The following NREP variants were observed in gnomAD, a reference collection of about 807,000 sequenced individuals.
NREP encodes neuronal regeneration related protein.
In NREP, 5 loss-of-function variants were observed where a neutral mutation model predicts 8.6. The observed-to-expected ratio is 0.58, with a 90% CI of 0.30 to 1.22. The LOEUF is 1.22. Ranked by LOEUF, NREP falls within the 50% of genes most tolerant of loss-of-function variation. The pLI, the probability that NREP is intolerant of heterozygous loss-of-function variation, is 0.07. For synonymous variants in NREP, 27 were observed against 28.0 expected (o/e 0.96, Z 0.11); for missense variants, 86 against 82.5 (o/e 1.04, Z -0.17).
intron 2 of NREP, among the ~76,000 whole-genome samples, chr5:111,747,729 CTTATG>C (rs968475955): frequency 1.4e-4 from 21 of 152,188 alleles, no homozygotes; most frequent in African/African-American, 4.6e-4. Flanking sequence ...GCCACGTTCT[CTTATG>C]TTATTTACTC....
At chr5:111,949,844 G>A (rs1347948975) in intron 2 of NREP, among the ~76,000 whole-genome samples, 1 of 152,108 alleles carries the variant, frequency 6.6e-6, no homozygotes, top group African/African-American at 2.4e-5. Context: ...GGGCATTTGG[G>A]TTGGTTCCCA....
intron 2 of NREP, among the ~76,000 whole-genome samples, chr5:111,763,770 G>A (rs1751019215): frequency 6.6e-6 from 1 of 152,228 alleles, no homozygotes; most frequent in South Asian, 2.1e-4. Flanking sequence ...GTGTGTGTGT[G>A]TGTGTTTGTG....
intron 2 of NREP, among the ~76,000 whole-genome samples, chr5:111,968,691 C>G (rs1756715372): frequency 6.6e-6 from 1 of 152,204 alleles, no homozygotes; most frequent in South Asian, 2.1e-4. Context: ...CTTAATGTGT[C>G]ATGTGTGATG....
chr5:111,897,360 C>T (rs1201119502), intron 2 of NREP, among the ~76,000 whole-genome samples: 2 of 152,204 alleles, frequency 1.3e-5, no homozygotes, highest in African/African-American at 2.4e-5. Context: ...CCAGTGCATT[C>T]TACAAGGCAA....
At chr5:111,958,929 A>T (rs1458589663) in intron 2 of NREP, among the ~76,000 whole-genome samples, 3 of 151,980 alleles carry the variant, frequency 2.0e-5, no homozygotes, top group Non-Finnish European at 4.4e-5. Context: ...CAAATAAAGT[A>T]ATGAGACAGA....
chr5:111,875,625 A>G (rs1036485021), intron 2 of NREP, among the ~76,000 whole-genome samples: 6 of 152,210 alleles, frequency 3.9e-5, no homozygotes, highest in African/African-American at 2.4e-5. Flanking sequence ...ATTACAATTT[A>G]AAAACATCAT....
intron 2 of NREP, among the ~76,000 whole-genome samples, chr5:111,768,856 G>A (rs919220776): frequency 6.6e-6 from 1 of 152,172 alleles, no homozygotes; most frequent in Admixed American, 6.5e-5. Context: ...AGAACCATTT[G>A]TTTCCTTTCA....
At chr5:111,935,785 A>G (rs1755666003) in intron 2 of NREP, among the ~76,000 whole-genome samples, 1 of 152,124 alleles carries the variant, frequency 6.6e-6, no homozygotes, top group South Asian at 2.1e-4. Flanking sequence ...TTTTAATGGT[A>G]TGCCCCAGGC....
intron 2 of NREP, among the ~76,000 whole-genome samples, chr5:111,875,154 A>G (rs773454366): frequency 6.6e-6 from 1 of 152,164 alleles, no homozygotes; most frequent in East Asian, 1.9e-4. Context: ...ATTTTACCAA[A>G]AGCGATTTTT....
chr5:111,817,888 T>A (rs1053632425), intron 2 of NREP, among the ~76,000 whole-genome samples: 1 of 151,544 alleles, frequency 6.6e-6, no homozygotes, highest in African/African-American at 2.4e-5. Context: ...ACAAAAAATA[T>A]TTCACATGTG....
rs552145436 is a variant in NREP, at chr5:111,737,097, C to T, written c.4-1590G>A. ...CTGAGCCATGTGGTTCCCCTCACCC[C>T]AACCACCTTACTTTTCCACATATTC... On this transcript the variant is annotated intron_variant, in intron 2 of 3. Transcript: ENST00000257435. 3.3e-5 allele frequency among the ~76,000 whole-genome samples: 5 copies of T among 152,288 alleles called. No homozygotes were observed. In the East Asian group the frequency reaches 9.7e-4, roughly 29 times the overall value.
chr5:111,753,354 G>GATATGTAGATATATATATATATATGTA (rs1750496362), intron 2 of NREP, among the ~76,000 whole-genome samples: 1 of 128,834 alleles, frequency 7.8e-6, no homozygotes, highest in Non-Finnish European at 1.7e-5. Flanking sequence ...ATATATATAT[G>GATATGTAGATATATATATATATATGTA]TATATATATA....
intron 2 of NREP, among the ~76,000 whole-genome samples, chr5:111,961,242 C>T (rs903557208): frequency 2.0e-5 from 3 of 152,164 alleles, no homozygotes; most frequent in Non-Finnish European, 2.9e-5. Context: ...TATTTGTAAG[C>T]GGGACAGAAA....
chr5:111,973,215 G>A (rs1718895331), intron 2 of NREP, among the ~76,000 whole-genome samples: 1 of 151,930 alleles, frequency 6.6e-6, no homozygotes, highest in Non-Finnish European at 1.5e-5. Flanking sequence ...GCCAGCAGCT[G>A]AAATCTTAAT....
chr5:111,976,378 C>T (rs183077970), intron 1 of NREP, among the ~76,000 whole-genome samples: 2 of 152,306 alleles, frequency 1.3e-5, no homozygotes, highest in Admixed American at 1.3e-4. Context: ...TTTGCCATAT[C>T]CAATCCCTTC....
At chr5:111,852,530 A>G (rs1482960390) in intron 2 of NREP, among the ~76,000 whole-genome samples, 2 of 152,192 alleles carry the variant, frequency 1.3e-5, no homozygotes, top group Admixed American at 6.6e-5. Flanking sequence ...TGTCAAATGA[A>G]GAGACATTTA....
chr5:111,940,223 C>T (rs555668513), intron 2 of NREP: 1 of 152,084 alleles, frequency 6.6e-6, no homozygotes, highest in East Asian at 1.9e-4. Context: ...ATAAAGATGC[C>T]TAATATACCT....
intron 2 of NREP, among the ~76,000 whole-genome samples, chr5:111,782,358 C>T (rs1344773033): frequency 6.6e-6 from 1 of 152,148 alleles, no homozygotes; most frequent in African/African-American, 2.4e-5. Context: ...ACCTAAAGCA[C>T]TTTGTTAGTT....
chr5:111,963,807 A>T, intron 2 of NREP, among the ~76,000 whole-genome samples: 1 of 152,246 alleles, frequency 6.6e-6, no homozygotes, highest in East Asian at 1.9e-4. Flanking sequence ...GCCATGGTCA[A>T]AACAAGAAAA....
Sources: allele counts gnomAD v4.1 joint callset (sites outside exome capture counted in the v4.1 genomes callset), GRCh38; gene constraint gnomAD v4.1.1; transcripts MANE v1.5; gene names NCBI Gene and HGNC (gene_info 2026-07-23, HGNC 2026-07-21).